SAMSN1: variants seen among roughly 807,000 people sequenced by gnomAD.
The protein encoded by SAMSN1 is SAM domain, SH3 domain and nuclear localization signals 1.
Under a neutral mutation model 42.0 loss-of-function variants are expected in SAMSN1, and 31 were observed. The ratio of observed to expected loss-of-function variants is 0.74; its 90% CI spans 0.55 to 1.00. The LOEUF is 1.00. Among genes scored for constraint, SAMSN1 ranks in the 50% least tolerant of loss-of-function variants. The pLI, the probability that SAMSN1 is intolerant of heterozygous loss-of-function variation, is 0.00. For synonymous variants in SAMSN1, 178 were observed against 151.9 expected, an observed-to-expected ratio of 1.17 and a Z score of -1.26; for missense variants, 464 against 439.4, an observed-to-expected ratio of 1.06 and a Z score of -0.50.
rs1351787228 is a variant in SAMSN1, at chr21:14,577,277, TATATATA to T, written c.261+4852_261+4858del. The stretch of plus-strand genomic sequence containing the variant: ...ATATATATATATATATATATATATA[TATATATA>T]TTTTTTTTTTAGAAGAGACAGGGTT... On this transcript the variant is annotated intron_variant, in intron 2 of 8. Transcript: ENST00000285670. Among the ~76,000 whole-genome samples the T allele has an allele frequency of 2.1e-3, 116 of 54,018 alleles. 6 individuals carry two copies. Among genetic ancestry groups the T allele is most frequent in the Admixed American group, 3.4e-3 (22 of 6,458 alleles). The allele number at this position is 54,018 out of a possible 152,430, so 35.4% of individuals were successfully genotyped here. A position where few individuals can be genotyped will look rare whatever the true frequency, so the allele number is the denominator to read the frequency against.
chr21:14,486,171 G>T, intron 7 of SAMSN1, 57 bp from the exon 8 acceptor site: 2 of 1,168,012 alleles, frequency 1.7e-6, no homozygotes, highest in Non-Finnish European at 2.5e-6. Context: ...TCTTATTCAT[G>T]TACTCATTCA....
chr21:14,546,675 A>T (rs1046542345), upstream of SAMSN1, among the ~76,000 whole-genome samples: 70 of 152,108 alleles, frequency 4.6e-4, no homozygotes, highest in South Asian at 8.3e-4. Context: ...TATTTAAAAA[A>T]AAAAAAAAGA....
At chr21:14,516,145 T>A (rs1439626357) in intron 3 of SAMSN1, among the ~76,000 whole-genome samples, 1 of 152,078 alleles carries the variant, frequency 6.6e-6, no homozygotes, top group Non-Finnish European at 1.5e-5. Context: ...CCAAGAGAAA[T>A]GAAAAAATAT....
chr21:14,653,669 T>A (rs1983869959), intron 1 of SAMSN1, among the ~76,000 whole-genome samples: 1 of 152,046 alleles, frequency 6.6e-6, no homozygotes, highest in Admixed American at 6.6e-5. Flanking sequence ...TGTTTTTAAC[T>A]CAAAGGATAA....
intron 2 of SAMSN1, among the ~76,000 whole-genome samples, chr21:14,641,650 G>T (rs540904619): frequency 3.9e-4 from 59 of 152,094 alleles, no homozygotes; most frequent in African/African-American, 1.4e-3. Flanking sequence ...ATTATTTTTT[G>T]TGTTATCAGG....
intron 2 of SAMSN1, among the ~76,000 whole-genome samples, chr21:14,559,901 C>T (rs572686360): frequency 2.6e-5 from 4 of 152,138 alleles, no homozygotes; most frequent in African/African-American, 9.7e-5. Flanking sequence ...TCCCAGCATT[C>T]TTGTTATGCT....
At chr21:14,631,613 C>T (rs984472343) in intron 2 of SAMSN1, among the ~76,000 whole-genome samples, 3 of 152,170 alleles carry the variant, frequency 2.0e-5, no homozygotes, top group Non-Finnish European at 2.9e-5. Flanking sequence ...GATCTGCCCA[C>T]CTCCACCTCC....
rs542022965 is a variant in SAMSN1 at position 14,606,498 on chromosome 21, T to C, written c.322+2984A>G. Among the ~76,000 whole-genome samples the C allele has an allele frequency of 1.2e-4, 19 of 152,272 alleles. No individual in the cohort carries two copies. In the South Asian group the frequency reaches 2.9e-3, roughly 23 times the overall value. ...TCACAGATTCAAAAGTTTGTTCTTC[T>C]CAATTCTTTTTTATAAACTCAAGTC... On this transcript the variant is annotated intron_variant, in intron 5 of 15. Transcript: ENST00000647101.
chr21:14,599,640 G>A (rs555723802), intron 6 of SAMSN1, among the ~76,000 whole-genome samples: 23 of 152,062 alleles, frequency 1.5e-4, no homozygotes, highest in Admixed American at 4.6e-4. Flanking sequence ...TAGTTCCTGC[G>A]AGAGCCAGTT....
At chr21:14,544,439 T>C (rs897755085) in intron 1 of SAMSN1, among the ~76,000 whole-genome samples, 1 of 152,188 alleles carries the variant, frequency 6.6e-6, no homozygotes, top group Non-Finnish European at 1.5e-5. Context: ...TTTTAAGACA[T>C]AATTACAAAT....
intron 2 of SAMSN1, among the ~76,000 whole-genome samples, chr21:14,629,653 T>C (rs1224178536): frequency 1.3e-5 from 2 of 152,122 alleles, no homozygotes; most frequent in Non-Finnish European, 2.9e-5. Context: ...GCAGGTCCTG[T>C]AGCTTATAGC....
rs1437310205 is a variant in SAMSN1, at chr21:14,618,679, TGTGTGTGTGTGTGC to T, written c.157-2677_157-2664del. Among the ~76,000 whole-genome samples the T allele has an allele frequency of 1.8e-3, 141 of 79,784 alleles. 2 individuals are homozygous for T. Among genetic ancestry groups the T allele is most frequent in the South Asian group, 6.4e-3 (17 of 2,666 alleles). 52.3% of individuals were successfully genotyped at this position (79,784 alleles called of 152,430 possible). A position where few individuals can be genotyped will look rare whatever the true frequency, so the allele number is the denominator to read the frequency against. Reference sequence around the variant, plus strand: ...GTATGTGTGTGTGTGTGTGTGTGTGTGTGTGTGTGTGTGCGCGCGCGCGCACGCGCGTGTGTGTG... The same window carrying T: ...GTATGTGTGTGTGTGTGTGTGTGTGTGCGCGCGCGCACGCGCGTGTGTGTG... On this transcript the variant is annotated intron_variant, in intron 2 of 15. Coordinates refer to the SAMSN1 transcript ENST00000647101.
chr21:14,632,382 A>G (rs1253245262), intron 2 of SAMSN1, among the ~76,000 whole-genome samples: 1 of 152,162 alleles, frequency 6.6e-6, no homozygotes, highest in Non-Finnish European at 1.5e-5. Context: ...CCTGATCAGT[A>G]TCTTGTCACA....
intron 7 of SAMSN1, chr21:14,496,295 C>T (rs1030282883): frequency 1.3e-5 from 2 of 152,120 alleles, no homozygotes; most frequent in Non-Finnish European, 1.5e-5. Flanking sequence ...CAGCAGACTC[C>T]CTTTGATTAA....
chr21:14,561,211 G>T (rs1980938091), intron 2 of SAMSN1, among the ~76,000 whole-genome samples: 1 of 151,934 alleles, frequency 6.6e-6, no homozygotes, highest in Non-Finnish European at 1.5e-5. Flanking sequence ...GGCAGACTCA[G>T]TGCCCGAGGA....
intron 3 of SAMSN1, among the ~76,000 whole-genome samples, chr21:14,514,879 G>A (rs1600881573): frequency 6.6e-6 from 1 of 152,112 alleles, no homozygotes; most frequent in African/African-American, 2.4e-5. Context: ...TAAGTGAAGA[G>A]GTCATAGCTA....
chr21:14,602,023 C>T, exon 6 of SAMSN1: 1 of 686,584 alleles, frequency 1.5e-6, no homozygotes, highest in Non-Finnish European at 2.7e-6. Flanking sequence ...TTCACATTAC[C>T]TGATAGGAAG....
chr21:14,521,344 T>C (rs1978466060), intron 1 of SAMSN1, 123 bp from the exon 2 acceptor site: 1 of 613,818 alleles, frequency 1.6e-6, no homozygotes. Context: ...TTTAAAAAGC[T>C]CTTCTCTCTG....
chr21:14,593,992 A>C (rs754861913), intron 7 of SAMSN1: 6 of 715,480 alleles, frequency 8.4e-6, no homozygotes, highest in African/African-American at 7.0e-5. Context: ...AAATAGTTAC[A>C]TCTGGGAAGA....
Sources: gnomAD v4.1 joint callset for allele counts (sites outside exome capture counted in the v4.1 genomes callset) on GRCh38, gnomAD v4.1.1 for gene constraint, MANE v1.5 for transcripts, NCBI Gene and HGNC (gene_info 2026-07-23, HGNC 2026-07-21) for gene names.